The following RBM6 variants were observed in gnomAD, a reference collection of about 807,000 sequenced individuals.
RBM6 encodes the protein RNA binding motif protein 6.
RBM6 carries 23 observed loss-of-function variants against 140.4 expected under a neutral mutation model. That is an observed-to-expected ratio of 0.16 (90% confidence interval 0.12 to 0.23). The LOEUF is 0.23. RBM6 is among the 10% of genes least tolerant of loss of function. RBM6 has a pLI of 1.00. For missense variants in RBM6, 1,139 were observed against 1,386.7 expected (o/e 0.82, Z 2.84); for synonymous variants, 439 against 475.6 (o/e 0.92, Z 1.00).
chr3:50,052,490 G>T (rs1023623543), intron 7 of RBM6, among the ~76,000 whole-genome samples: 2 of 152,198 alleles, frequency 1.3e-5, no homozygotes, highest in Admixed American at 1.3e-4. Context: ...ATTTGTTGAA[G>T]AGACTATTCT....
chr3:50,014,237 G>A (rs750535044), intron 6 of RBM6, among the ~76,000 whole-genome samples: 7 of 152,168 alleles, frequency 4.6e-5, no homozygotes, highest in East Asian at 1.9e-4. Flanking sequence ...GTGCAGGCAC[G>A]GCACTCCAGA....
intron 4 of RBM6, among the ~76,000 whole-genome samples, chr3:49,975,078 A>G (rs1480296994): frequency 7.2e-5 from 11 of 151,756 alleles, no homozygotes; most frequent in South Asian, 4.2e-4. Flanking sequence ...GCTTTAAGCA[A>G]TCCTCTCACC....
intron 18 of RBM6, among the ~76,000 whole-genome samples, chr3:50,069,283 C>T (rs1041513234): frequency 5.3e-5 from 8 of 152,006 alleles, no homozygotes; most frequent in Non-Finnish European, 7.4e-5. Context: ...GAGGCTGAGA[C>T]GGGCGGATCA....
intron 6 of RBM6, among the ~76,000 whole-genome samples, chr3:50,030,286 TAAAAAAAAA>T (rs57797585): frequency 4.8e-5 from 5 of 103,872 alleles, no homozygotes; most frequent in African/African-American, 2.0e-4. Flanking sequence ...CTTTTTGTCT[TAAAAAAAAA>T]AAAAAAAAAA....
intron 6 of RBM6, among the ~76,000 whole-genome samples, chr3:50,003,539 A>G (rs1262181008): frequency 6.6e-6 from 1 of 152,100 alleles, no homozygotes; most frequent in East Asian, 1.9e-4. Context: ...ATTGGCTGGT[A>G]CTTGTAGGCC....
chr3:49,993,229 A>G lies in RBM6; in HGVS notation c.1484-6211A>G, dbSNP rs573373678. Among the ~76,000 whole-genome samples, 9 of 152,358 alleles carry G rather than the reference A, an allele frequency of 5.9e-5. No individual in the cohort carries two copies. The South Asian group carries it at 1.5e-3, about 25-fold the overall frequency. On this transcript the variant is annotated intron_variant, in intron 5 of 20. Transcript: ENST00000266022. Reference sequence around the variant, plus strand: ...AATGTTATCCTGGGCCTGAGGAACCATCATCAAGATGGAGTGGCCCTGCGA... The same window carrying G: ...AATGTTATCCTGGGCCTGAGGAACCGTCATCAAGATGGAGTGGCCCTGCGA...
At chr3:49,984,453 C>CA (rs1305500730) in intron 5 of RBM6, among the ~76,000 whole-genome samples, 7 of 152,234 alleles carry the variant, frequency 4.6e-5, no homozygotes, top group East Asian at 3.9e-4. Flanking sequence ...ACTAAAAATA[C>CA]AAAAACTAGC....
intron 7 of RBM6, among the ~76,000 whole-genome samples, chr3:50,053,786 A>G (rs2089584823): frequency 6.6e-6 from 1 of 152,194 alleles, no homozygotes. Context: ...AAAAATAATT[A>G]CATTCACATT....
chr3:50,057,399 C>G (rs1407460876), intron 8 of RBM6, among the ~76,000 whole-genome samples: 1 of 151,902 alleles, frequency 6.6e-6, no homozygotes, highest in Non-Finnish European at 1.5e-5. Flanking sequence ...CCAGCCTGGC[C>G]AACATGGTGA....
intron 5 of RBM6, among the ~76,000 whole-genome samples, chr3:49,984,862 G>T (rs968544038): frequency 1.3e-5 from 2 of 152,148 alleles, no homozygotes; most frequent in Non-Finnish European, 2.9e-5. Context: ...CTGAGGAGGA[G>T]GATGCCACTT....
intron 7 of RBM6, among the ~76,000 whole-genome samples, chr3:50,051,687 AT>A (rs762140342): frequency 1.3e-5 from 2 of 152,238 alleles, no homozygotes; most frequent in South Asian, 2.1e-4. Context: ...ACCTATTAAA[AT>A]TTTTTTGTAA....
At position 49,967,017 on chromosome 3, in the gene RBM6, G is replaced by A. The variant is rs60167392; in HGVS notation, c.45-453G>A. On this transcript the variant is annotated intron_variant, in intron 2 of 20. Coordinates refer to ENST00000266022, the MANE Select transcript of RBM6 (RefSeq NM_005777.3). This position sits in a 1 kb window ranked among gnomAD's most constrained non-coding sequence, Gnocchi z 4.0. Reference sequence around the variant, plus strand: ...TTTGAATGTTACCGCTGGATGCAGCGTGAGAAAGATACCTCCTGAAACTTA... The same window carrying A: ...TTTGAATGTTACCGCTGGATGCAGCATGAGAAAGATACCTCCTGAAACTTA... Among the ~76,000 whole-genome samples the A allele has an allele frequency of 5.3e-5, 8 of 152,114 alleles. No homozygotes were observed. The highest frequency in any genetic ancestry group is 1.3e-4 in the Admixed American group (2 of 15,258).
At chr3:50,005,380 C>G (rs2086525912) in intron 6 of RBM6, among the ~76,000 whole-genome samples, 1 of 151,896 alleles carries the variant, frequency 6.6e-6, no homozygotes, top group African/African-American at 2.4e-5. Context: ...TGCCTATTGT[C>G]CCAGCTATTT....
chr3:49,968,670 A>G lies in RBM6; in HGVS notation c.1245A>G (p.Gly415=). The G allele has an allele frequency of 6.2e-7, 1 of 1,613,718 alleles. No homozygotes were observed. Among genetic ancestry groups the G allele is most frequent in the Non-Finnish European group, 8.5e-7 (1 of 1,179,926 alleles). Residue 415 remains glycine (G), a synonymous_variant, in exon 3 of 21, where the codon GGA becomes GGG. Coordinates refer to ENST00000266022, the MANE Select transcript of RBM6 (RefSeq NM_005777.3). ...EYRDVDHRLP[G]SQMFGYGQSK... The stretch of plus-strand genomic sequence containing the variant: ...GTGATGTGGATCATAGGCTGCCAGG[A>G]AGCCAGATGTTTGGCTATGGCCAGA...
rs968647038 is a variant in RBM6, at chr3:50,077,186, T to G, written c.*53T>G. The G allele has an allele frequency of 2.6e-6, 4 of 1,542,422 alleles. No homozygotes were observed. The Admixed American group carries it at 6.1e-5, about 24-fold the overall frequency. On this transcript the variant is annotated 3_prime_UTR_variant, in exon 21 of 21. Transcript: ENST00000266022. ...ACCTCCCTCTTGTTTTGTTTGTCTC[T>G]CCTTTTCTTTTGTTACTGTTCTTGC...
At chr3:50,017,376 T>C (rs1046666543) in intron 6 of RBM6, among the ~76,000 whole-genome samples, 1 of 152,078 alleles carries the variant, frequency 6.6e-6, no homozygotes, top group South Asian at 2.1e-4. Context: ...GCTAACATGG[T>C]GAAACCCCGT....
intron 5 of RBM6, among the ~76,000 whole-genome samples, chr3:49,977,047 A>C (rs186049975): frequency 2.4e-4 from 37 of 152,306 alleles, no homozygotes; most frequent in Middle Eastern, 3.4e-3. Flanking sequence ...ACTTTTGACA[A>C]TATCAGCCAG....
chr3:50,069,915 C>T (rs2090245585), intron 18 of RBM6, among the ~76,000 whole-genome samples: 2 of 152,146 alleles, frequency 1.3e-5, no homozygotes, highest in South Asian at 2.1e-4. Context: ...CTTTCCCCTG[C>T]TTCTCAGAAG....
chr3:50,073,294 G>A (rs952980450), intron 19 of RBM6, among the ~76,000 whole-genome samples: 5 of 152,260 alleles, frequency 3.3e-5, no homozygotes, highest in Middle Eastern at 6.8e-3. Context: ...CATGCTTCTG[G>A]AGGCTGGGAG....
Sources: allele counts gnomAD v4.1 joint callset (sites outside exome capture counted in the v4.1 genomes callset), GRCh38; gene constraint gnomAD v4.1.1; non-coding constraint Gnocchi (gnomAD v3.1); transcripts MANE v1.5; gene names NCBI Gene and HGNC (gene_info 2026-07-23, HGNC 2026-07-21).